Variants in GRIK4 observed in about 807,000 individuals in gnomAD.
GRIK4 encodes the protein glutamate receptor ionotropic, kainate 4.
A neutral mutation model predicts 104.9 loss-of-function variants in GRIK4; 40 were observed. The ratio of observed to expected loss-of-function variants is 0.38; its 90% CI spans 0.30 to 0.50. The LOEUF (loss-of-function observed/expected upper bound fraction) is 0.50. Among genes scored for constraint, GRIK4 ranks in the 20% least tolerant of loss-of-function variants. The pLI is 0.93. For missense variants in GRIK4, 1,047 were observed against 1,308.1 expected, an observed-to-expected ratio of 0.80 and a Z score of 3.08; for synonymous variants, 485 against 524.9, an observed-to-expected ratio of 0.92 and a Z score of 1.04.
chr11:120,972,574 T>A (rs1944492896), intron 19 of GRIK4, among the ~76,000 whole-genome samples: 1 of 151,856 alleles, frequency 6.6e-6, no homozygotes, highest in Non-Finnish European at 1.5e-5. Context: ...GCAAATCAGA[T>A]AAAAGGATGC....
chr11:120,637,376 C>G lies in GRIK4; in HGVS notation c.-158-16309C>G, dbSNP rs111726632. On this transcript the variant is annotated intron_variant, in intron 1 of 20. Transcript: ENST00000527524. ...GTTTTTTTTCCCCCCTGGCACTTGG[C>G]AAATCCCCTTCACAGGCAGAGTGAG... is the stretch of plus-strand genomic sequence containing the variant. Among the ~76,000 whole-genome samples, 4 of 152,298 alleles carry G rather than the reference C, an allele frequency of 2.6e-5. No homozygotes were observed. The South Asian group carries it at 6.2e-4, about 24-fold the overall frequency.
chr11:120,966,941 G>A lies in GRIK4; in HGVS notation c.2267-254G>A, dbSNP rs11218089. Among the ~76,000 whole-genome samples, 860 of 152,324 alleles carry A rather than the reference G, an allele frequency of 5.6e-3. 7 individuals are homozygous for A. The highest frequency in any genetic ancestry group is 0.02 in the African/African-American group (823 of 41,570). ...GTTTGGCCATGGGCTGGACCTGCCA[G>A]TCAGCATGGAGAGAAGGGAAGCAGA... On this transcript the variant is annotated intron_variant, in intron 18 of 20. Coordinates refer to ENST00000527524, the MANE Select transcript of GRIK4 (RefSeq NM_014619.5).
intron 13 of GRIK4, among the ~76,000 whole-genome samples, chr11:120,934,189 A>G (rs1943543534): frequency 1.6e-5 from 2 of 128,028 alleles, no homozygotes; most frequent in Non-Finnish European, 3.1e-5. Context: ...TGGGTGACAG[A>G]GCGAGACTCC....
intron 8 of GRIK4, among the ~76,000 whole-genome samples, chr11:120,839,932 C>T (rs1420141846): frequency 6.6e-6 from 1 of 152,234 alleles, no homozygotes; most frequent in African/African-American, 2.4e-5. Context: ...AGAAACACAG[C>T]TTCTCTCTCT....
chr11:120,550,447 C>T (rs11821047), intron 1 of GRIK4, among the ~76,000 whole-genome samples: 3,146 of 152,034 alleles, frequency 0.021, 105 homozygotes, highest in African/African-American at 0.071. Flanking sequence ...TCATCAGTCT[C>T]TCGGCAGGGT....
intron 4 of GRIK4, among the ~76,000 whole-genome samples, chr11:120,811,322 G>A (rs1476361838): frequency 6.6e-6 from 1 of 152,182 alleles, no homozygotes; most frequent in African/African-American, 2.4e-5. Flanking sequence ...ATAACTCAGT[G>A]TTCCAGTGGC....
In GRIK4 at chr11:120,806,084, G is replaced by A. The variant is rs148734442; in HGVS notation, c.247+3227G>A. 2.2e-4 allele frequency among the ~76,000 whole-genome samples: 34 copies of A among 152,296 alleles called. 2 individuals are homozygous for A. The highest frequency in any genetic ancestry group is 7.7e-4 in the African/African-American group (32 of 41,554). The stretch of plus-strand genomic sequence containing the variant: ...ATTGCCTCATAGGGTCACTGGGAAC[G>A]GTGTAGGTGAAACGCTCGGCACTGC... On this transcript the variant is annotated intron_variant, in intron 4 of 20. Coordinates refer to ENST00000527524, the MANE Select transcript of GRIK4 (RefSeq NM_014619.5).
At chr11:120,820,892 A>G (rs1953107474) in intron 6 of GRIK4, among the ~76,000 whole-genome samples, 1 of 152,204 alleles carries the variant, frequency 6.6e-6, no homozygotes, top group Admixed American at 6.5e-5. Flanking sequence ...ATGTGCTTTA[A>G]TTCATTTATC....
chr11:120,936,700 C>G (rs1244578580), intron 13 of GRIK4: 1 of 152,912 alleles, frequency 6.5e-6, no homozygotes, highest in Non-Finnish European at 1.5e-5. Flanking sequence ...GCCCATTTCC[C>G]ATCTGGTTCT....
chr11:120,842,775 C>T (rs1953749855), intron 8 of GRIK4, among the ~76,000 whole-genome samples: 1 of 152,170 alleles, frequency 6.6e-6, no homozygotes, highest in Admixed American at 6.5e-5. Flanking sequence ...TTGGGGGAAA[C>T]CTTTGTTGTG....
At chr11:120,914,165 G>A (rs1943058020) in intron 13 of GRIK4, among the ~76,000 whole-genome samples, 1 of 136,250 alleles carries the variant, frequency 7.3e-6, no homozygotes, top group Non-Finnish European at 1.6e-5. Context: ...GACAAGCACC[G>A]CTTGGATATG....
At chr11:120,877,459 T>C (rs952554148) in intron 11 of GRIK4, among the ~76,000 whole-genome samples, 2 of 152,184 alleles carry the variant, frequency 1.3e-5, no homozygotes, top group Non-Finnish European at 2.9e-5. Context: ...ATTCCCTGAA[T>C]AGGTGAAGCT....
intron 8 of GRIK4, among the ~76,000 whole-genome samples, chr11:120,854,359 C>T (rs1954051509): frequency 6.6e-6 from 1 of 152,182 alleles, no homozygotes; most frequent in East Asian, 1.9e-4. Flanking sequence ...GAAGCAGAGC[C>T]AGTTCTGGAG....
chr11:120,823,950 A>C (rs1297681216), intron 6 of GRIK4, among the ~76,000 whole-genome samples: 2 of 152,220 alleles, frequency 1.3e-5, no homozygotes, highest in East Asian at 3.9e-4. Context: ...AGGATTAAAA[A>C]TCTAATCAAG....
chr11:120,669,879 C>A (rs1949985789), intron 3 of GRIK4, among the ~76,000 whole-genome samples: 1 of 152,268 alleles, frequency 6.6e-6, no homozygotes, highest in Non-Finnish European at 1.5e-5. Flanking sequence ...TCTCTAATCT[C>A]ATCTGTAGCT....
intron 11 of GRIK4, among the ~76,000 whole-genome samples, chr11:120,884,797 C>A (rs1466560565): frequency 1.3e-5 from 2 of 152,270 alleles, no homozygotes; most frequent in Non-Finnish European, 2.9e-5. Flanking sequence ...CTGCAAGGCC[C>A]GGGCACATGC....
At chr11:120,875,554 G>A (rs771867972) in intron 11 of GRIK4, among the ~76,000 whole-genome samples, 2 of 152,144 alleles carry the variant, frequency 1.3e-5, no homozygotes, top group Non-Finnish European at 2.9e-5. Context: ...CCTAATCCTG[G>A]AGCCCATTTA....
intron 5 of GRIK4, among the ~76,000 whole-genome samples, chr11:120,817,930 C>A (rs1371105324): frequency 1.3e-5 from 2 of 152,228 alleles, no homozygotes; most frequent in African/African-American, 2.4e-5. Flanking sequence ...CTATTATATA[C>A]CCTACACACA....
intron 6 of GRIK4, among the ~76,000 whole-genome samples, chr11:120,821,320 T>C (rs1953122170): frequency 6.6e-6 from 1 of 152,000 alleles, no homozygotes; most frequent in Non-Finnish European, 1.5e-5. Flanking sequence ...AAAAATGATT[T>C]AGAAAAGGAG....
Sources: gnomAD v4.1 joint callset for allele counts (sites outside exome capture counted in the v4.1 genomes callset) on GRCh38, gnomAD v4.1.1 for gene constraint, MANE v1.5 for transcripts, NCBI Gene and HGNC (gene_info 2026-07-23, HGNC 2026-07-21) for gene names.